Variants in WWOX observed in about 807,000 individuals in gnomAD.
WWOX encodes the protein WW domain-containing oxidoreductase.
In WWOX, 69 loss-of-function variants were observed where a neutral mutation model predicts 46.2. That is an observed-to-expected ratio of 1.49 (90% CI 1.23 to 1.82). WWOX has a LOEUF of 1.82. WWOX is among the 40% of genes most tolerant of loss of function. The probability of loss-of-function intolerance (pLI) is 0.00; values close to 1 mark genes in which losing one functional copy is unlikely to be tolerated. For synonymous variants in WWOX, 359 were observed against 202.6 expected (o/e 1.77, Z -6.56); for missense variants, 919 against 542.6 (o/e 1.69, Z -6.89).
chr16:79,020,507 A>T (rs1300879646), intron 8 of WWOX, among the ~76,000 whole-genome samples: 2 of 152,198 alleles, frequency 1.3e-5, no homozygotes, highest in Non-Finnish European at 2.9e-5. Flanking sequence ...ATGCAACAGT[A>T]ATCCAACCAC....
At chr16:78,763,710 T>C (rs190831759) in intron 8 of WWOX, among the ~76,000 whole-genome samples, 2 of 152,234 alleles carry the variant, frequency 1.3e-5, no homozygotes, top group Non-Finnish European at 2.9e-5. Flanking sequence ...AGTTGTTATT[T>C]GGTATTCACG....
At chr16:79,045,093 G>GC in intron 8 of WWOX, among the ~76,000 whole-genome samples, 1 of 152,288 alleles carries the variant, frequency 6.6e-6, no homozygotes, top group African/African-American at 2.4e-5. Context: ...GTTAGATTTT[G>GC]CCTCAAATTT....
chr16:78,511,637 T>TA (rs2085363632), intron 8 of WWOX, among the ~76,000 whole-genome samples: 1 of 152,162 alleles, frequency 6.6e-6, no homozygotes, highest in Non-Finnish European at 1.5e-5. Flanking sequence ...AGGTTGCCAA[T>TA]AAAGTTTATT....
intron 5 of WWOX, among the ~76,000 whole-genome samples, chr16:78,311,581 A>G (rs1389382187): frequency 6.6e-6 from 1 of 152,218 alleles, no homozygotes; most frequent in Non-Finnish European, 1.5e-5. Context: ...ATGTGACCTT[A>G]CAAATACATG....
At chr16:78,793,915 A>C (rs1466144925) in intron 8 of WWOX, among the ~76,000 whole-genome samples, 1 of 152,160 alleles carries the variant, frequency 6.6e-6, no homozygotes, top group East Asian at 1.9e-4. Context: ...ATTTGAAAAA[A>C]AAAAGTGAAA....
chr16:78,914,863 A>G (rs547469217), intron 8 of WWOX, among the ~76,000 whole-genome samples: 1 of 128,468 alleles, frequency 7.8e-6, no homozygotes, highest in East Asian at 2.4e-4. Context: ...CGGGTGACAG[A>G]GCGAGACTCC....
chr16:78,981,541 G>A (rs1054316611), intron 8 of WWOX, among the ~76,000 whole-genome samples: 1 of 151,890 alleles, frequency 6.6e-6, no homozygotes, highest in African/African-American at 2.4e-5. Context: ...GGGTTCAGGT[G>A]ATTCTCCTGC....
chr16:78,868,885 C>T (rs1036231166), intron 8 of WWOX, among the ~76,000 whole-genome samples: 2 of 152,116 alleles, frequency 1.3e-5, no homozygotes, highest in Non-Finnish European at 2.9e-5. Flanking sequence ...GTCTTTGCAT[C>T]CCTTAGAAAT....
intron 5 of WWOX, among the ~76,000 whole-genome samples, chr16:78,354,191 C>T (rs926272032): frequency 5.9e-5 from 9 of 152,038 alleles, no homozygotes; most frequent in Admixed American, 5.2e-4. Flanking sequence ...TGTTTGTAAA[C>T]ATCTGTTTGG....
At chr16:79,137,565 G>A (rs1047783995) in intron 8 of WWOX, among the ~76,000 whole-genome samples, 18 of 152,156 alleles carry the variant, frequency 1.2e-4, no homozygotes, top group Admixed American at 8.5e-4. Flanking sequence ...TTTTTAGAGA[G>A]TGTTTGTCTG....
At chr16:79,031,092 C>CAA (rs60529075) in intron 8 of WWOX, among the ~76,000 whole-genome samples, 8,632 of 127,152 alleles carry the variant, frequency 0.068, 361 homozygotes, top group African/African-American at 0.12. Flanking sequence ...GACCCTGTCT[C>CAA]AAAAAAAAAA....
At chr16:78,926,139 C>G (rs1222761097) in intron 8 of WWOX, among the ~76,000 whole-genome samples, 1 of 152,062 alleles carries the variant, frequency 6.6e-6, no homozygotes, top group Non-Finnish European at 1.5e-5. Context: ...TGGATGGACC[C>G]AAAATGGGTG....
intron 8 of WWOX, among the ~76,000 whole-genome samples, chr16:79,194,598 T>C (rs1183203999): frequency 6.6e-6 from 1 of 152,106 alleles, no homozygotes; most frequent in African/African-American, 2.4e-5. Flanking sequence ...CTTTTCCCAC[T>C]TCCATCCTTC....
intron 8 of WWOX, among the ~76,000 whole-genome samples, chr16:79,182,595 G>T (rs368418004): frequency 6.6e-6 from 1 of 151,994 alleles, no homozygotes; most frequent in South Asian, 2.1e-4. Flanking sequence ...AGAATATCAG[G>T]GTGTTTAAAA....
At chr16:78,392,216 G>C (rs2082190895) in intron 6 of WWOX, among the ~76,000 whole-genome samples, 2 of 151,978 alleles carry the variant, frequency 1.3e-5, no homozygotes, top group South Asian at 4.2e-4. Flanking sequence ...AGTGCCTCAG[G>C]TCCTCCCCCT....
At chr16:78,402,698 C>A (rs572329655) in intron 6 of WWOX, among the ~76,000 whole-genome samples, 2 of 152,300 alleles carry the variant, frequency 1.3e-5, no homozygotes, top group African/African-American at 4.8e-5. Context: ...CAAGGTGTTA[C>A]ATGACTCATT....
intron 5 of WWOX, among the ~76,000 whole-genome samples, chr16:78,193,296 A>G (rs1049805134): frequency 2.0e-5 from 3 of 152,356 alleles, no homozygotes; most frequent in African/African-American, 7.2e-5. Flanking sequence ...GGTTTTCTTG[A>G]TATGGTTGCC....
intron 8 of WWOX, among the ~76,000 whole-genome samples, chr16:79,175,304 T>TA (rs1030840539): frequency 2.2e-4 from 34 of 152,358 alleles, no homozygotes; most frequent in African/African-American, 7.7e-4. Context: ...AGAAAGCCTA[T>TA]ATACTCTGGA....
intron 8 of WWOX, among the ~76,000 whole-genome samples, chr16:78,490,866 C>G (rs957647056): frequency 1.9e-4 from 29 of 152,192 alleles, no homozygotes; most frequent in African/African-American, 7.0e-4. Flanking sequence ...ACCATTTGCT[C>G]TACTGCAAAA....
Sources: allele counts gnomAD v4.1 joint callset (sites outside exome capture counted in the v4.1 genomes callset), GRCh38; gene constraint gnomAD v4.1.1; transcripts MANE v1.5; gene names NCBI Gene and HGNC (gene_info 2026-07-23, HGNC 2026-07-21).